Variants in CCDC57 observed in about 807,000 individuals in gnomAD.
CCDC57 encodes the protein coiled-coil domain containing 57.
A neutral mutation model predicts 118.9 loss-of-function variants in CCDC57; 118 were observed. The observed-to-expected ratio is 0.99, with a 90% CI of 0.86 to 1.16. The LOEUF (loss-of-function observed/expected upper bound fraction) is 1.16. CCDC57 is among the 50% of genes most tolerant of loss of function. The pLI, the probability that CCDC57 is intolerant of heterozygous loss-of-function variation, is 0.00. For missense variants in CCDC57, 1,300 were observed against 1,320.7 expected, an observed-to-expected ratio of 0.98 and a Z score of 0.24; for synonymous variants, 527 against 532.9, an observed-to-expected ratio of 0.99 and a Z score of 0.15.
In CCDC57 at chr17:82,127,668, CTCCTGGGGAGG is replaced by C. The variant is rs1301669262; in HGVS notation, c.2899+13_2899+23del. 3.2e-6 allele frequency: 5 copies of C among 1,574,706 alleles called. No individual in the cohort carries two copies. Among genetic ancestry groups the C allele is most frequent in the Admixed American group, 1.9e-5 (1 of 52,940 alleles). On this transcript the variant is annotated intron_variant, in intron 19 of 19. Transcript: ENST00000665763. ...CTCGCCAGCTGCCAGCTGTGGGCAG[CTCCTGGGGAGG>C]GCAGTCTCCTACCTGGAGTTGAGTC... is the stretch of plus-strand genomic sequence containing the variant.
At chr17:82,190,230 G>A (rs555831091) in intron 7 of CCDC57, among the ~76,000 whole-genome samples, 12 of 152,022 alleles carry the variant, frequency 7.9e-5, no homozygotes, top group African/African-American at 2.7e-4. Context: ...TCATATCCCA[G>A]CATAGAGTGA....
At chr17:82,186,418 C>T (rs2046925762) in intron 8 of CCDC57, among the ~76,000 whole-genome samples, 1 of 152,178 alleles carries the variant, frequency 6.6e-6, no homozygotes, top group African/African-American at 2.4e-5. Flanking sequence ...AATGGAAGCA[C>T]CTGCGGCCCC....
intron 2 of CCDC57, among the ~76,000 whole-genome samples, chr17:82,205,175 A>G (rs1287286642): frequency 6.6e-6 from 1 of 152,174 alleles, no homozygotes; most frequent in Non-Finnish European, 1.5e-5. Context: ...ATGGAACACC[A>G]CTGTGATCTC....
At chr17:82,165,253 C>T (rs912483286) in intron 13 of CCDC57, among the ~76,000 whole-genome samples, 17 of 152,316 alleles carry the variant, frequency 1.1e-4, no homozygotes, top group Non-Finnish European at 1.3e-4. Context: ...CAGAACTGCA[C>T]GGGCGGTTTA....
chr17:82,163,414 TG>T (rs2043587412), intron 13 of CCDC57, 57 bp from the exon 13 acceptor site: 1 of 1,590,374 alleles, frequency 6.3e-7, no homozygotes, highest in Non-Finnish European at 8.6e-7. Context: ...AAGACCTTTC[TG>T]GGGAGACACA....
At chr17:82,170,323 C>T (rs142357649) in intron 13 of CCDC57, among the ~76,000 whole-genome samples, 46 of 152,172 alleles carry the variant, frequency 3.0e-4, no homozygotes, top group African/African-American at 1.0e-3. Flanking sequence ...GCCTGACCAA[C>T]GTGGTGAAAC....
chr17:82,183,868 C>G, exon 9 of CCDC57: 1 of 1,613,510 alleles, frequency 6.2e-7, no homozygotes, highest in Non-Finnish European at 8.5e-7. Context: ...GAGACCATCT[C>G]CTTAGATAGT....
At chr17:82,184,015 ATGCGCGCGCGCGCGCG>A (rs1568399836) in intron 8 of CCDC57, 83 bp from the exon 8 acceptor site, 12 of 525,132 alleles carry the variant, frequency 2.3e-5, no homozygotes, top group Non-Finnish European at 3.7e-5. Flanking sequence ...GCAAATACAC[ATGCGCGCGCGCGCGCG>A]CACACACACA....
At position 82,203,671 on chromosome 17, in the gene CCDC57, C is replaced by T. The variant is rs78700497; in HGVS notation, c.-8-1719G>A. On this transcript the variant is annotated intron_variant, in intron 2 of 19. Transcript: ENST00000665763. ...TTCTTCTGGCTGGTCCTAGCTGCCC[C>T]CAACCCTTTAGAGGTCCAAGTATGA... Among the ~76,000 whole-genome samples the T allele has an allele frequency of 2.6e-4, 40 of 152,278 alleles. No individual in the cohort carries two copies. In the East Asian group the frequency reaches 7.3e-3, roughly 28 times the overall value.
chr17:82,138,219 G>A (rs369303804), intron 16 of CCDC57, among the ~76,000 whole-genome samples: 218 of 148,358 alleles, frequency 1.5e-3, no homozygotes, highest in African/African-American at 5.2e-3. Flanking sequence ...TACAATCTCG[G>A]CTCACTGCAA....
chr17:82,183,490 A>G (rs930957003), intron 9 of CCDC57, among the ~76,000 whole-genome samples: 33 of 152,158 alleles, frequency 2.2e-4, no homozygotes, highest in East Asian at 1.5e-3. Context: ...TGGCAAGAGG[A>G]GATTCTTAGT....
intron 19 of CCDC57, chr17:82,113,294 G>A (rs1400684247): frequency 6.0e-6 from 4 of 661,772 alleles, no homozygotes; most frequent in Admixed American, 2.2e-5. Context: ...ACTGGTTCTT[G>A]GATTCCTGTA....
intron 15 of CCDC57, among the ~76,000 whole-genome samples, chr17:82,152,704 G>A (rs999800299): frequency 6.6e-6 from 1 of 152,242 alleles, no homozygotes; most frequent in African/African-American, 2.4e-5. Flanking sequence ...GGCTGCACCT[G>A]GCCCTGGCCA....
intron 11 of CCDC57, chr17:82,175,793 C>G (rs552345151): frequency 1.3e-5 from 2 of 152,326 alleles, no homozygotes; most frequent in African/African-American, 2.4e-5. Context: ...TGAGACCTGT[C>G]TGAGATTTTC....
chr17:82,200,143 T>C (rs558154500), intron 3 of CCDC57, among the ~76,000 whole-genome samples: 3 of 152,220 alleles, frequency 2.0e-5, no homozygotes, highest in Non-Finnish European at 4.4e-5. Context: ...AAGGTCTCTC[T>C]GCTGGACCGG....
chr17:82,159,045 T>G (rs1357685003), intron 14 of CCDC57, among the ~76,000 whole-genome samples: 1 of 152,184 alleles, frequency 6.6e-6, no homozygotes, highest in Non-Finnish European at 1.5e-5. Flanking sequence ...ATTTCAGTTT[T>G]TATTACAGAT....
chr17:82,128,474 C>A lies in CCDC57; in HGVS notation c.2682+19G>T. Reference sequence around the variant, plus strand: ...CACACCCCACACAGCTGCACTTGCTCGGGCGCCGCCACTCTCACCTTCGGG... The same window carrying A: ...CACACCCCACACAGCTGCACTTGCTAGGGCGCCGCCACTCTCACCTTCGGG... On this transcript the variant is annotated intron_variant, in intron 18 of 19. Coordinates refer to ENST00000665763, the Ensembl canonical transcript of CCDC57. The A allele has an allele frequency of 6.6e-7, 1 of 1,526,434 alleles. No individual in the cohort carries two copies. Among genetic ancestry groups the A allele is most frequent in the Non-Finnish European group, 8.9e-7 (1 of 1,127,806 alleles). 94.6% of individuals were successfully genotyped at this position (1,526,434 alleles called of 1,614,324 possible).
intron 19 of CCDC57, among the ~76,000 whole-genome samples, chr17:82,119,956 G>C (rs1229953499): frequency 1.3e-5 from 2 of 152,192 alleles, no homozygotes; most frequent in Non-Finnish European, 2.9e-5. Flanking sequence ...CTGGGACGGG[G>C]TGACTGCTGG....
At chr17:82,195,538 G>A (rs778365035) in intron 4 of CCDC57, among the ~76,000 whole-genome samples, 174 bp from the exon 4 acceptor site, 16 of 152,008 alleles carry the variant, frequency 1.1e-4, no homozygotes, top group East Asian at 3.9e-4. Flanking sequence ...CAGCACTCTG[G>A]GAGGCCGAGG....
Sources: gnomAD v4.1 joint callset for allele counts (sites outside exome capture counted in the v4.1 genomes callset) on GRCh38, gnomAD v4.1.1 for gene constraint, MANE v1.5 for transcripts, NCBI Gene and HGNC (gene_info 2026-07-23, HGNC 2026-07-21) for gene names.